RIMS4: variants seen among roughly 807,000 people sequenced by gnomAD.
RIMS4 encodes the protein regulating synaptic membrane exocytosis 4, also known as regulating synaptic membrane exocytosis protein 4.
Under a neutral mutation model 29.0 loss-of-function variants are expected in RIMS4, and 9 were observed. The observed-to-expected ratio is 0.31, with a 90% CI of 0.19 to 0.54. The LOEUF is 0.54. RIMS4 is among the 20% of genes least tolerant of loss of function. The pLI, the probability that RIMS4 is intolerant of heterozygous loss-of-function variation, is 0.94. For missense variants in RIMS4, 193 were observed against 365.7 expected (o/e 0.53, Z 3.85); for synonymous variants, 130 against 152.9 (o/e 0.85, Z 1.10).
intron 2 of RIMS4, among the ~76,000 whole-genome samples, chr20:44,769,534 G>GC (rs2066127789): frequency 6.6e-6 from 1 of 152,178 alleles, no homozygotes; most frequent in African/African-American, 2.4e-5. Context: ...TGTCAGCAGG[G>GC]CCCCACTGCT....
intron 1 of RIMS4, 54 bp downstream of exon 1, chr20:44,810,121 C>T (rs1322450363): frequency 5.4e-6 from 6 of 1,110,472 alleles, no homozygotes; most frequent in Admixed American, 4.4e-5. Context: ...AGGGGGCTAC[C>T]GGACCTGGAT....
chr20:44,764,179 C>CATCT (rs1249632217), intron 2 of RIMS4, among the ~76,000 whole-genome samples: 6 of 151,536 alleles, frequency 4.0e-5, no homozygotes, highest in Non-Finnish European at 7.4e-5. Flanking sequence ...TCCATCCATC[C>CATCT]ATCCATCCAT....
At chr20:44,787,967 G>C (rs1052810111) in intron 1 of RIMS4, among the ~76,000 whole-genome samples, 1 of 152,208 alleles carries the variant, frequency 6.6e-6, no homozygotes, top group African/African-American at 2.4e-5. Context: ...AGTCCTGTGA[G>C]GTGATTATAA....
intron 1 of RIMS4, among the ~76,000 whole-genome samples, chr20:44,801,756 C>T (rs1055843739): frequency 1.6e-4 from 25 of 152,216 alleles, no homozygotes; most frequent in South Asian, 2.1e-4. Flanking sequence ...CCTGGCACAA[C>T]GCAGGCAGCA....
intron 3 of RIMS4, 144 bp downstream of exon 3, chr20:44,757,928 A>G: frequency 1.1e-6 from 1 of 919,392 alleles, no homozygotes; most frequent in Non-Finnish European, 1.7e-6. Flanking sequence ...GGCTCTGCTG[A>G]GGGCTTGAGA....
At position 44,754,200 on chromosome 20, in the gene RIMS4, G is replaced by A. The variant is rs1485131788; in HGVS notation, c.*1934C>T. 6.6e-6 allele frequency: 1 copy of A among 152,274 alleles called. No individual in the cohort carries two copies. The highest frequency in any genetic ancestry group is 1.9e-4 in the East Asian group (1 of 5,200). 9.4% of individuals were successfully genotyped at this position (152,274 alleles called of 1,614,324 possible). ...CTGCTCCTTCCACCCCCAGCCTTGG[G>A]ATTCCACCCACCGCGGTCCCAGGAA... On this transcript the variant is annotated 3_prime_UTR_variant, in exon 6 of 6. Transcript: ENST00000372851.
rs552693675 is a variant in RIMS4, at chr20:44,775,861, G to C, written c.98-4448C>G. ...TTACACCCAACCAGCACATTGGGAA[G>C]GAAATTTATTTCTCTTTTGTATGCT... On this transcript the variant is annotated intron_variant, in intron 1 of 5. Transcript: ENST00000372851. Among the ~76,000 whole-genome samples the C allele has an allele frequency of 1.6e-3, 237 of 152,294 alleles. 1 individual carries two copies. The highest frequency in any genetic ancestry group is 2.6e-3 in the Non-Finnish European group (175 of 68,018).
intron 1 of RIMS4, among the ~76,000 whole-genome samples, chr20:44,778,154 T>C (rs1332150230): frequency 6.6e-6 from 1 of 152,242 alleles, no homozygotes; most frequent in Non-Finnish European, 1.5e-5. Context: ...AGAGCACTGA[T>C]GTTGCCTCTG....
At chr20:44,765,719 C>T (rs1367159253) in intron 2 of RIMS4, among the ~76,000 whole-genome samples, 1 of 152,166 alleles carries the variant, frequency 6.6e-6, no homozygotes, top group African/African-American at 2.4e-5. Flanking sequence ...GGCCCTGCCA[C>T]TGCCTTACAC....
At chr20:44,767,221 T>C (rs955115197) in intron 2 of RIMS4, among the ~76,000 whole-genome samples, 6 of 152,158 alleles carry the variant, frequency 3.9e-5, no homozygotes, top group Non-Finnish European at 8.8e-5. Flanking sequence ...CACACGTCAA[T>C]AGGGAGTATC....
intron 1 of RIMS4, among the ~76,000 whole-genome samples, chr20:44,778,463 C>T (rs1296113121): frequency 6.6e-6 from 1 of 152,142 alleles, no homozygotes; most frequent in African/African-American, 2.4e-5. Flanking sequence ...ACTGCTTGAG[C>T]CCAGGAGTTC....
At chr20:44,763,837 C>T (rs1328227915) in intron 2 of RIMS4, among the ~76,000 whole-genome samples, 3 of 152,160 alleles carry the variant, frequency 2.0e-5, no homozygotes, top group African/African-American at 7.2e-5. Flanking sequence ...GTCTCAACAG[C>T]ATCAGAAATT....
rs117232877 is a variant in RIMS4, at chr20:44,775,811, G to T, written c.98-4398C>A. Among the ~76,000 whole-genome samples the T allele has an allele frequency of 5.0e-3, 754 of 152,258 alleles. 6 individuals are homozygous for T. Among genetic ancestry groups the T allele is most frequent in the Middle Eastern group, 0.01 (3 of 294 alleles). On this transcript the variant is annotated intron_variant, in intron 1 of 5. Coordinates refer to ENST00000372851, the MANE Select transcript of RIMS4 (RefSeq NM_182970.4). ...AAAATCTTCACACAGGTGGGCTCCCGCATCATAACTGTAGTTGTACCCATT... is the reference window on the plus strand; with the variant it reads ...AAAATCTTCACACAGGTGGGCTCCCTCATCATAACTGTAGTTGTACCCATT...
intron 3 of RIMS4, 104 bp from the exon 4 acceptor site, chr20:44,757,875 C>T (rs1197097829): frequency 4.5e-6 from 5 of 1,123,048 alleles, no homozygotes; most frequent in East Asian, 2.4e-5. Context: ...TCCCCTGCTC[C>T]CAGCCCAGAA....
rs959621176 is a variant in RIMS4 at position 44,807,167 on chromosome 20, A to C, written c.97+3008T>G. Among the ~76,000 whole-genome samples the C allele has an allele frequency of 2.0e-4, 30 of 152,134 alleles. 1 individual carries two copies. Among genetic ancestry groups the C allele is most frequent in the Non-Finnish European group, 1.5e-5 (1 of 68,024 alleles). On this transcript the variant is annotated intron_variant, in intron 1 of 5. Coordinates refer to ENST00000372851, the MANE Select transcript of RIMS4 (RefSeq NM_182970.4). The stretch of plus-strand genomic sequence containing the variant: ...AAGAGGGCAAAAGGAGCATCTCAAG[A>C]AGTAAGTTCAAAGTGCACGAGGGAA...
chr20:44,807,622 AT>A (rs1338635155), intron 1 of RIMS4, among the ~76,000 whole-genome samples: 1 of 152,182 alleles, frequency 6.6e-6, no homozygotes, highest in Non-Finnish European at 1.5e-5. Context: ...TGTGTCCAGT[AT>A]GGGAGAGACC....
At chr20:44,797,350 A>G (rs181358815) in intron 1 of RIMS4, among the ~76,000 whole-genome samples, 80 of 152,316 alleles carry the variant, frequency 5.3e-4, no homozygotes, top group Non-Finnish European at 7.4e-4. Context: ...GCAAAGACTA[A>G]AATATCTACT....
At chr20:44,796,782 A>C (rs758864119) in intron 1 of RIMS4, among the ~76,000 whole-genome samples, 1 of 152,174 alleles carries the variant, frequency 6.6e-6, no homozygotes, top group Non-Finnish European at 1.5e-5. Flanking sequence ...AAATATGAAG[A>C]AGCTGGGTTT....
chr20:44,757,929 G>T, intron 3 of RIMS4, 143 bp downstream of exon 3: 2 of 924,194 alleles, frequency 2.2e-6, no homozygotes, highest in Non-Finnish European at 3.4e-6. Context: ...GCTCTGCTGA[G>T]GGCTTGAGAG....
Sources: gnomAD v4.1 joint callset for allele counts (sites outside exome capture counted in the v4.1 genomes callset) on GRCh38, gnomAD v4.1.1 for gene constraint, MANE v1.5 for transcripts, NCBI Gene and HGNC (gene_info 2026-07-23, HGNC 2026-07-21) for gene names.